The following MYLK variants were observed in gnomAD, a reference collection of about 807,000 sequenced individuals.
MYLK encodes the protein myosin light chain kinase, smooth muscle.
In MYLK, 106 loss-of-function variants were observed where a neutral mutation model predicts 203.4. That is an observed-to-expected ratio of 0.52 (90% CI 0.45 to 0.61). The LOEUF (loss-of-function observed/expected upper bound fraction) is 0.61. Among genes scored for constraint, MYLK ranks in the 20% least tolerant of loss-of-function variants. The pLI, the probability that MYLK is intolerant of heterozygous loss-of-function variation, is 0.00. For missense variants in MYLK, 2,072 were observed against 2,442.3 expected, an observed-to-expected ratio of 0.85 and a Z score of 3.20; for synonymous variants, 867 against 959.5, an observed-to-expected ratio of 0.90 and a Z score of 1.78.
chr3:123,774,499 A>C (rs1427522857), intron 4 of MYLK, among the ~76,000 whole-genome samples: 2 of 152,152 alleles, frequency 1.3e-5, no homozygotes, highest in Admixed American at 1.3e-4. Flanking sequence ...GTAAGAAAAA[A>C]AAATCTCAAA....
At position 123,664,254 on chromosome 3, in the gene MYLK, T is replaced by C. The variant is rs956816227; in HGVS notation, c.3836A>G (p.Gln1279Arg). ...CTCCACCTTCATGTGCTCGCTTTCC[T>C]GGATCTAGGGGCGGAGGATGGAGCA... ...CTWMKFRKQI[Q>R]ESEHMKVENS... The change falls in exon 23 of 34, where the codon CAG becomes CGG. Residue 1279 changes from glutamine (Q) to arginine (R), a missense_variant. By Grantham distance (43) the Gln-to-Arg change is conservative (BLOSUM62 1). Coordinates refer to ENST00000360304, the MANE Select transcript of MYLK (RefSeq NM_053025.4). 3.1e-6 allele frequency: 5 copies of C among 1,614,074 alleles called. No individual in the cohort carries two copies. In the African/African-American group the frequency reaches 6.7e-5, roughly 22 times the overall value.
intron 18 of MYLK, among the ~76,000 whole-genome samples, chr3:123,699,482 A>C (rs896289481): frequency 6.6e-6 from 1 of 152,194 alleles, no homozygotes; most frequent in African/African-American, 2.4e-5. Context: ...CTTCAAACCC[A>C]CAGTGCTATC....
rs1405684236 is a variant in MYLK at position 123,722,172 on chromosome 3, T to A, written c.1760A>T (p.Asn587Ile). 2 of 1,564,696 alleles carry A rather than the reference T, an allele frequency of 1.3e-6. No individual in the cohort carries two copies. The highest frequency in any genetic ancestry group is 1.7e-6 in the Non-Finnish European group (2 of 1,154,336). Reference sequence around the variant, plus strand: ...GCTGCAGGACACCTGCCCCAAGGCATTCTCAGCTAGGCAGGTGTAGGTGCC... The same window carrying A: ...GCTGCAGGACACCTGCCCCAAGGCAATCTCAGCTAGGCAGGTGTAGGTGCC... ...DHGTYTCLAE[N>I]ALGQVSCSAW... The change falls in exon 13 of 34, where the codon AAT (asparagine) becomes ATT (isoleucine). Residue 587 changes from asparagine to isoleucine, a missense_variant. Around this residue, in one of 3 missense-constraint regions of MYLK, gnomAD observed 865 missense variants for 1,016.0 expected, o/e 0.85. Transcript: ENST00000360304.
At chr3:123,790,051 T>C (rs890747620) in intron 4 of MYLK, among the ~76,000 whole-genome samples, 14 of 152,296 alleles carry the variant, frequency 9.2e-5, no homozygotes, top group African/African-American at 3.4e-4. Context: ...GGCTTTGAGC[T>C]TTAGGATTTG....
At chr3:123,824,048 C>A (rs965094051) in intron 3 of MYLK, among the ~76,000 whole-genome samples, 11 of 152,138 alleles carry the variant, frequency 7.2e-5, no homozygotes, top group African/African-American at 2.6e-4. Context: ...CCCCTCTACC[C>A]AATCTCTTCA....
chr3:123,693,860 C>T (rs1000830819), intron 18 of MYLK, among the ~76,000 whole-genome samples: 2 of 152,180 alleles, frequency 1.3e-5, no homozygotes, highest in African/African-American at 4.8e-5. Flanking sequence ...GCATCCTGCT[C>T]AAAGCTGCCC....
intron 2 of MYLK, among the ~76,000 whole-genome samples, chr3:123,834,720 T>C (rs1366221550): frequency 6.6e-6 from 1 of 152,210 alleles, no homozygotes; most frequent in East Asian, 1.9e-4. Context: ...AAAATGCTAA[T>C]AGCACCACTG....
intron 2 of MYLK, among the ~76,000 whole-genome samples, chr3:123,843,076 A>G (rs1362644150): frequency 6.6e-6 from 1 of 152,184 alleles, no homozygotes; most frequent in African/African-American, 2.4e-5. Context: ...GCAGGGACCT[A>G]GAACCAGAAG....
At chr3:123,639,441 T>C (rs2058756820) in intron 28 of MYLK, among the ~76,000 whole-genome samples, 1 of 152,116 alleles carries the variant, frequency 6.6e-6, no homozygotes, top group Admixed American at 6.5e-5. Flanking sequence ...ACCTGCAGGG[T>C]GGTGAAATAA....
chr3:123,849,122 C>T (rs374917184), intron 2 of MYLK, among the ~76,000 whole-genome samples: 8 of 151,968 alleles, frequency 5.3e-5, no homozygotes, highest in South Asian at 2.1e-4. Flanking sequence ...ACTACAGGCC[C>T]GCGTCACTAC....
At chr3:123,827,200 T>G (rs1369637461) in intron 3 of MYLK, among the ~76,000 whole-genome samples, 1 of 152,160 alleles carries the variant, frequency 6.6e-6, no homozygotes, top group Non-Finnish European at 1.5e-5. Flanking sequence ...GAGATGGATA[T>G]CATTTAAAAA....
chr3:123,877,176 T>C (rs551182948), intron 1 of MYLK, among the ~76,000 whole-genome samples: 3 of 152,022 alleles, frequency 2.0e-5, no homozygotes, highest in Non-Finnish European at 4.4e-5. Flanking sequence ...AAAGTATCAA[T>C]TGGGCTGAGA....
chr3:123,629,363 A>T lies in MYLK; in HGVS notation c.5114+111T>A. 1 of 1,359,166 alleles carries T rather than the reference A, an allele frequency of 7.4e-7. No individual in the cohort carries two copies. Among genetic ancestry groups the T allele is most frequent in the Non-Finnish European group, 1.0e-6 (1 of 969,202 alleles). 84.2% of individuals were successfully genotyped at this position (1,359,166 alleles called of 1,614,324 possible). A position where few individuals can be genotyped will look rare whatever the true frequency, so the allele number is the denominator to read the frequency against. ...CCTTCCTCAGGGAATGCTAGGAACGACCCAAGGCGGGGTGGCAAGGAGGGC... is the reference window on the plus strand; with the variant it reads ...CCTTCCTCAGGGAATGCTAGGAACGTCCCAAGGCGGGGTGGCAAGGAGGGC... On this transcript the variant is annotated intron_variant, in intron 30 of 33. Transcript: ENST00000360304. This position sits in a 1 kb window ranked among gnomAD's most constrained non-coding sequence, Gnocchi z 4.4.
intron 23 of MYLK, among the ~76,000 whole-genome samples, chr3:123,660,766 T>C (rs996875744): frequency 6.6e-6 from 1 of 152,226 alleles, no homozygotes; most frequent in African/African-American, 2.4e-5. Flanking sequence ...TGTAAATGCA[T>C]GAAAACTGTC....
At chr3:123,857,563 C>T (rs945252767) in intron 2 of MYLK, among the ~76,000 whole-genome samples, 105 of 150,140 alleles carry the variant, frequency 7.0e-4, no homozygotes, top group Admixed American at 1.3e-3. Context: ...AACCAAACAC[C>T]GCATATTCTC....
At chr3:123,692,527 T>C (rs1576579389) in intron 19 of MYLK, 6 of 770,856 alleles carry the variant, frequency 7.8e-6, no homozygotes, top group Non-Finnish European at 1.2e-5. Context: ...GGTGAAGCCA[T>C]GTAGGTGATC....
intron 19 of MYLK, among the ~76,000 whole-genome samples, chr3:123,686,425 G>A (rs1225649439): frequency 5.3e-5 from 8 of 150,106 alleles, no homozygotes; most frequent in Non-Finnish European, 8.9e-5. Flanking sequence ...CTGACCCCAC[G>A]CAGGGGGCAT....
chr3:123,843,821 G>T (rs558481413), intron 2 of MYLK, among the ~76,000 whole-genome samples: 23 of 152,248 alleles, frequency 1.5e-4, no homozygotes, highest in African/African-American at 5.5e-4. Context: ...TTCTGACATG[G>T]TGTTTTCTGT....
At chr3:123,711,418 G>T (rs820339) in intron 13 of MYLK, among the ~76,000 whole-genome samples, 4 of 152,200 alleles carry the variant, frequency 2.6e-5, no homozygotes, top group African/African-American at 9.6e-5. Context: ...CAGGGAGTGT[G>T]TCGGCAAGTC....
Sources: allele counts gnomAD v4.1 joint callset (sites outside exome capture counted in the v4.1 genomes callset), GRCh38; gene constraint gnomAD v4.1.1; regional missense constraint gnomAD v4.1.1; non-coding constraint Gnocchi (gnomAD v3.1); transcripts MANE v1.5; gene names NCBI Gene and HGNC (gene_info 2026-07-23, HGNC 2026-07-21).